The following CES5A variants were observed in gnomAD, a reference collection of about 807,000 sequenced individuals.
CES5A encodes carboxylesterase 5A, also known as carboxylesterase 5.
In CES5A, 67 loss-of-function variants were observed where a neutral mutation model predicts 62.9. That is an observed-to-expected ratio of 1.07 (90% CI 0.88 to 1.31). The LOEUF is 1.31. Among genes scored for constraint, CES5A ranks in the 50% most tolerant of loss-of-function variants. The pLI is 0.00. For missense variants in CES5A, 748 were observed against 708.5 expected (o/e 1.06, Z -0.63); for synonymous variants, 296 against 280.8 (o/e 1.05, Z -0.54).
At chr16:55,869,590 C>T (rs2033539202) in intron 4 of CES5A, 21 bp downstream of exon 4, 5 of 1,611,552 alleles carry the variant, frequency 3.1e-6, no homozygotes, top group Non-Finnish European at 4.2e-6. Flanking sequence ...TCTGGGATGT[C>T]CATCATTTGG....
intron 5 of CES5A, 63 bp downstream of exon 5, chr16:55,865,900 T>A (rs1334591255): frequency 6.4e-7 from 1 of 1,559,792 alleles, no homozygotes; most frequent in African/African-American, 1.4e-5. Context: ...TGTTAGTGAC[T>A]CATCATCATT....
intron 7 of CES5A, among the ~76,000 whole-genome samples, chr16:55,860,587 G>C (rs1597116576): frequency 6.6e-6 from 1 of 152,304 alleles, no homozygotes; most frequent in East Asian, 1.9e-4. Flanking sequence ...GGGGTTGTAG[G>C]AGACTGTAGG....
At chr16:55,921,320 A>G (rs1471691378) in intron 1 of CES5A, among the ~76,000 whole-genome samples, 1 of 152,178 alleles carries the variant, frequency 6.6e-6, no homozygotes, top group Non-Finnish European at 1.5e-5. Flanking sequence ...ATAATAATCA[A>G]ACTCTCAAAG....
intron 2 of CES5A, among the ~76,000 whole-genome samples, chr16:55,942,745 T>A (rs1289194188): frequency 1.3e-5 from 2 of 152,218 alleles, no homozygotes; most frequent in Admixed American, 6.5e-5. Flanking sequence ...GCAGTCTTAA[T>A]CATAATATCC....
At chr16:55,895,948 G>T (rs1356374662) in intron 1 of CES5A, among the ~76,000 whole-genome samples, 1 of 152,198 alleles carries the variant, frequency 6.6e-6, no homozygotes, top group African/African-American at 2.4e-5. Flanking sequence ...GAATGGATTA[G>T]TTCCTGAGAG....
intron 2 of CES5A, among the ~76,000 whole-genome samples, chr16:55,938,815 T>C (rs74520822): frequency 1.1e-3 from 106 of 100,190 alleles, no homozygotes; most frequent in South Asian, 8.8e-3. Context: ...TATATATATA[T>C]ACACACACAT....
At chr16:55,951,389 C>T (rs1424240389) in intron 1 of CES5A, among the ~76,000 whole-genome samples, 3 of 151,926 alleles carry the variant, frequency 2.0e-5, no homozygotes, top group African/African-American at 7.3e-5. Flanking sequence ...CTCTAAATAT[C>T]AATATGTCTC....
At position 55,890,259 on chromosome 16, in the gene CES5A, G is replaced by T. The variant is rs558595369; in HGVS notation, c.-255-16222C>A. 4.6e-5 allele frequency among the ~76,000 whole-genome samples: 7 copies of T among 152,000 alleles called. No homozygotes were observed. In the East Asian group the frequency reaches 1.2e-3, roughly 25 times the overall value. The stretch of plus-strand genomic sequence containing the variant: ...AAAAATGAAAGAACCTGAAATTTTT[G>T]AGTGTAAGAAATACCCAGTTAAGAA... On this transcript the variant is annotated intron_variant, in intron 1 of 12. Coordinates refer to the CES5A transcript ENST00000518005.
intron 1 of CES5A, among the ~76,000 whole-genome samples, chr16:55,901,570 C>T (rs1354741153): frequency 6.6e-6 from 1 of 152,232 alleles, no homozygotes; most frequent in African/African-American, 2.4e-5. Flanking sequence ...AAGCCTTCCC[C>T]TTACAAAATG....
At chr16:55,937,704 A>G (rs1407739082) in intron 2 of CES5A, among the ~76,000 whole-genome samples, 7 of 152,156 alleles carry the variant, frequency 4.6e-5, no homozygotes, top group Non-Finnish European at 8.8e-5. Flanking sequence ...GCTATGGTGG[A>G]AGCCTTTGGG....
rs1331807050 is a variant in CES5A at position 55,861,380 on chromosome 16, C to T, written c.915+32G>A. On this transcript the variant is annotated intron_variant, in intron 7 of 12. Coordinates refer to ENST00000290567, the MANE Select transcript of CES5A (RefSeq NM_001143685.2). Reference sequence around the variant, plus strand: ...TTCATCTCTCCGTTCGAAGGGCAAGCCTGCCCCCAAAACTGCCCCCTCTGT... The same window carrying T: ...TTCATCTCTCCGTTCGAAGGGCAAGTCTGCCCCCAAAACTGCCCCCTCTGT... The T allele has an allele frequency of 1.0e-5, 13 of 1,270,878 alleles. No individual in the cohort carries two copies. In the Admixed American group the frequency reaches 2.3e-4, roughly 22 times the overall value. The allele number at this position is 1,270,878 out of a possible 1,614,324, so 78.7% of individuals were successfully genotyped here.
At chr16:55,886,763 G>A (rs771738741) in intron 1 of CES5A, among the ~76,000 whole-genome samples, 3 of 152,108 alleles carry the variant, frequency 2.0e-5, no homozygotes, top group Non-Finnish European at 4.4e-5. Context: ...CTCAGGATAT[G>A]GATTTATGGG....
At chr16:55,952,528 C>A (rs565475849) in intron 1 of CES5A, among the ~76,000 whole-genome samples, 1 of 151,886 alleles carries the variant, frequency 6.6e-6, no homozygotes, top group African/African-American at 2.4e-5. Flanking sequence ...GTGGCAAGAC[C>A]GAGTGTGAGA....
rs74929849 is a variant in CES5A, at chr16:55,850,039, G to A, written c.1274-266C>T. Among the ~76,000 whole-genome samples the A allele has an allele frequency of 2.4e-3, 360 of 152,216 alleles. 3 individuals are homozygous for A. Among genetic ancestry groups the A allele is most frequent in the African/African-American group, 7.2e-3 (299 of 41,516 alleles). Reference sequence around the variant, plus strand: ...TATTCAGCCAAGATCTACTTTGTTGGGACTTTCTCTCAAAGTTCAAGTCTT... The same window carrying A: ...TATTCAGCCAAGATCTACTTTGTTGAGACTTTCTCTCAAAGTTCAAGTCTT... On this transcript the variant is annotated intron_variant, in intron 10 of 12. Transcript: ENST00000290567.
At chr16:55,948,140 C>A (rs184592107) in intron 2 of CES5A, among the ~76,000 whole-genome samples, 1 of 151,998 alleles carries the variant, frequency 6.6e-6, no homozygotes, top group African/African-American at 2.4e-5. Flanking sequence ...AGGTTGAGGA[C>A]GTGCCTGGGA....
chr16:55,919,157 T>C (rs1181761904), intron 1 of CES5A, among the ~76,000 whole-genome samples: 2 of 152,234 alleles, frequency 1.3e-5, no homozygotes, highest in Admixed American at 6.5e-5. Context: ...TGCTGGGCAA[T>C]GAGTCCCTGA....
chr16:55,935,945 A>G (rs937958637), intron 2 of CES5A, among the ~76,000 whole-genome samples: 2 of 152,228 alleles, frequency 1.3e-5, no homozygotes, highest in Non-Finnish European at 1.5e-5. Context: ...AAAAACATTG[A>G]GTCAAAGAGA....
chr16:55,915,891 C>T (rs1344026390), intron 1 of CES5A, among the ~76,000 whole-genome samples: 1 of 152,164 alleles, frequency 6.6e-6, no homozygotes, highest in African/African-American at 2.4e-5. Context: ...CTAGTTCAGA[C>T]AATACAAAGA....
At chr16:55,940,955 A>T (rs1436166309) in intron 2 of CES5A, among the ~76,000 whole-genome samples, 1 of 151,516 alleles carries the variant, frequency 6.6e-6, no homozygotes, top group African/African-American at 2.4e-5. Flanking sequence ...ACAATTCATG[A>T]TAAAAAAAAA....
Sources: allele counts gnomAD v4.1 joint callset (sites outside exome capture counted in the v4.1 genomes callset), GRCh38; gene constraint gnomAD v4.1.1; transcripts MANE v1.5; gene names NCBI Gene and HGNC (gene_info 2026-07-23, HGNC 2026-07-21).